Variants in WWOX observed in about 807,000 individuals in gnomAD.
The protein encoded by WWOX is WW domain-containing oxidoreductase.
WWOX carries 69 observed loss-of-function variants against 46.2 expected under a neutral mutation model. The observed-to-expected ratio is 1.49, with a 90% CI of 1.23 to 1.82. The LOEUF (loss-of-function observed/expected upper bound fraction) is 1.82, where lower values mean the gene tolerates loss of function less well. WWOX is among the 40% of genes most tolerant of loss of function. The pLI, the probability that WWOX is intolerant of heterozygous loss-of-function variation, is 0.00. For missense variants in WWOX, 919 were observed against 542.6 expected (o/e 1.69, Z -6.89); for synonymous variants, 359 against 202.6 (o/e 1.77, Z -6.56).
In WWOX at chr16:78,424,482, T is replaced by C. The variant is rs553940071; in HGVS notation, c.606-388T>C. 2.6e-5 allele frequency among the ~76,000 whole-genome samples: 4 copies of C among 152,340 alleles called. No individual in the cohort carries two copies. In the East Asian group the frequency reaches 5.8e-4, roughly 22 times the overall value. On this transcript the variant is annotated intron_variant, in intron 6 of 8. Coordinates refer to ENST00000566780, the MANE Select transcript of WWOX (RefSeq NM_016373.4). Reference sequence around the variant, plus strand: ...TTAGTCATAACTACTTTAAGGGCTATTTTGATTTACAGACAAAGTGAGACT... The same window carrying C: ...TTAGTCATAACTACTTTAAGGGCTACTTTGATTTACAGACAAAGTGAGACT...
chr16:78,818,319 AC>A lies in WWOX; in HGVS notation c.1056+385569del, dbSNP rs112401695. 1.4e-3 allele frequency among the ~76,000 whole-genome samples: 214 copies of A among 152,272 alleles called. 3 individuals carry two copies. The highest frequency in any genetic ancestry group is 4.8e-3 in the African/African-American group (200 of 41,570). On this transcript the variant is annotated intron_variant, in intron 8 of 8. Coordinates refer to ENST00000566780, the MANE Select transcript of WWOX (RefSeq NM_016373.4). ...CCAGCTCCTGCCCCAGCCCTGCCAC[AC>A]CATCACCCTCTCCAGCACACACAGC...
chr16:78,387,366 C>G (rs1422126715), intron 6 of WWOX, among the ~76,000 whole-genome samples: 26 of 152,142 alleles, frequency 1.7e-4, no homozygotes, highest in Admixed American at 1.6e-3. Context: ...CCCAAAAGAC[C>G]TCTAGTTTCT....
At chr16:78,399,600 C>T (rs990032992) in intron 6 of WWOX, among the ~76,000 whole-genome samples, 8 of 152,180 alleles carry the variant, frequency 5.3e-5, no homozygotes, top group East Asian at 1.9e-4. Context: ...GACATCAATG[C>T]AGCAAATCCC....
At chr16:78,413,265 G>A (rs2082724168) in intron 6 of WWOX, among the ~76,000 whole-genome samples, 6 of 152,138 alleles carry the variant, frequency 3.9e-5, no homozygotes, top group Admixed American at 3.3e-4. Context: ...ATCTGGGAGT[G>A]CTGATTGTCT....
At chr16:79,177,320 G>A (rs2050820028) in intron 8 of WWOX, among the ~76,000 whole-genome samples, 1 of 152,110 alleles carries the variant, frequency 6.6e-6, no homozygotes, top group Non-Finnish European at 1.5e-5. Context: ...CTTCGTTTCG[G>A]AGGAAATTTT....
chr16:78,564,570 G>T (rs1251151723), intron 8 of WWOX, among the ~76,000 whole-genome samples: 1 of 152,120 alleles, frequency 6.6e-6, no homozygotes, highest in Non-Finnish European at 1.5e-5. Context: ...TTTCTCAGAG[G>T]TCTCATATCA....
chr16:78,312,069 A>G (rs1347909402), intron 5 of WWOX, among the ~76,000 whole-genome samples: 1 of 152,034 alleles, frequency 6.6e-6, no homozygotes, highest in Non-Finnish European at 1.5e-5. Context: ...GACTCCTTCA[A>G]TGGCCATGTC....
intron 8 of WWOX, among the ~76,000 whole-genome samples, chr16:78,946,278 A>T (rs753294250): frequency 6.6e-6 from 1 of 151,758 alleles, no homozygotes; most frequent in Non-Finnish European, 1.5e-5. Flanking sequence ...GCAGCCTCCA[A>T]CTCCCGGCTC....
intron 8 of WWOX, among the ~76,000 whole-genome samples, chr16:78,441,272 T>A (rs1032163394): frequency 6.6e-6 from 1 of 152,200 alleles, no homozygotes; most frequent in Non-Finnish European, 1.5e-5. Flanking sequence ...AGTGGTGTTT[T>A]TGCCTTCACA....
intron 8 of WWOX, among the ~76,000 whole-genome samples, chr16:78,663,590 C>T (rs1021520517): frequency 1.4e-4 from 21 of 152,262 alleles, no homozygotes; most frequent in African/African-American, 4.6e-4. Flanking sequence ...AGTTTTAGGG[C>T]AGACTTCTAT....
intron 5 of WWOX, among the ~76,000 whole-genome samples, chr16:78,296,302 TA>T (rs1242186016): frequency 6.6e-6 from 1 of 151,622 alleles, no homozygotes; most frequent in Non-Finnish European, 1.5e-5. Flanking sequence ...TTTTTTACAT[TA>T]AAAAAAACTC....
chr16:78,858,482 CT>C (rs2052622373), intron 8 of WWOX, among the ~76,000 whole-genome samples: 2 of 151,754 alleles, frequency 1.3e-5, no homozygotes, highest in Non-Finnish European at 2.9e-5. Context: ...TAAAAAAAAA[CT>C]ATACACATAG....
chr16:78,768,596 A>AG (rs1179183610), intron 8 of WWOX, among the ~76,000 whole-genome samples: 2 of 150,632 alleles, frequency 1.3e-5, no homozygotes, highest in Non-Finnish European at 3.0e-5. Flanking sequence ...TCTCGAGGAA[A>AG]AAAAAAAAAA....
At chr16:78,937,949 A>G (rs2045775999) in intron 8 of WWOX, among the ~76,000 whole-genome samples, 1 of 152,122 alleles carries the variant, frequency 6.6e-6, no homozygotes, top group Non-Finnish European at 1.5e-5. Flanking sequence ...TAATGTGCCA[A>G]GGTCTGTGTT....
chr16:78,843,917 C>G (rs563519170), intron 8 of WWOX, among the ~76,000 whole-genome samples: 2 of 152,120 alleles, frequency 1.3e-5, no homozygotes, highest in African/African-American at 4.8e-5. Context: ...CCACTCGGTT[C>G]CTAATGGCAG....
chr16:78,514,103 C>A (rs1476527619), intron 8 of WWOX, among the ~76,000 whole-genome samples: 3 of 152,182 alleles, frequency 2.0e-5, no homozygotes, highest in Non-Finnish European at 4.4e-5. Context: ...CCCATAAATA[C>A]TGCTCAAGCA....
chr16:78,590,641 AACTC>A (rs2045330084), intron 8 of WWOX, among the ~76,000 whole-genome samples: 7 of 152,316 alleles, frequency 4.6e-5, no homozygotes, highest in African/African-American at 1.7e-4. Flanking sequence ...AATGTCTTGT[AACTC>A]AGTAAAACAG....
At chr16:78,803,294 G>A (rs1477980807) in intron 8 of WWOX, among the ~76,000 whole-genome samples, 2 of 151,650 alleles carry the variant, frequency 1.3e-5, no homozygotes, top group Non-Finnish European at 2.9e-5. Flanking sequence ...TGTTATTGTA[G>A]TGGCTTCGCA....
intron 8 of WWOX, among the ~76,000 whole-genome samples, chr16:78,841,163 G>T (rs1027184013): frequency 6.6e-6 from 1 of 152,150 alleles, no homozygotes; most frequent in African/African-American, 2.4e-5. Context: ...TACACAACGT[G>T]CACTGGGTCT....
Sources: gnomAD v4.1 joint callset for allele counts (sites outside exome capture counted in the v4.1 genomes callset) on GRCh38, gnomAD v4.1.1 for gene constraint, MANE v1.5 for transcripts, NCBI Gene and HGNC (gene_info 2026-07-23, HGNC 2026-07-21) for gene names.